Variants in SLC8B1 observed in about 807,000 individuals in gnomAD.
SLC8B1 encodes solute carrier family 8 member B1.
Under a neutral mutation model 63.4 loss-of-function variants are expected in SLC8B1, and 52 were observed. The observed-to-expected ratio is 0.82, with a 90% CI of 0.66 to 1.03. SLC8B1 has a LOEUF of 1.03. Among genes scored for constraint, SLC8B1 ranks in the 50% least tolerant of loss-of-function variants. SLC8B1 has a pLI of 0.00. For synonymous variants in SLC8B1, 336 were observed against 323.9 expected, an observed-to-expected ratio of 1.04 and a Z score of -0.40; for missense variants, 657 against 741.7, an observed-to-expected ratio of 0.89 and a Z score of 1.33.
intron 1 of SLC8B1, among the ~76,000 whole-genome samples, chr12:113,333,263 A>G (rs985862962): frequency 2.0e-5 from 3 of 148,958 alleles, no homozygotes; most frequent in African/African-American, 7.7e-5. Flanking sequence ...GCCAAGATTC[A>G]GAGTCTCAGG....
intron 14 of SLC8B1, 102 bp downstream of exon 14, chr12:113,306,393 A>T: frequency 1.0e-6 from 1 of 969,656 alleles, no homozygotes; most frequent in Non-Finnish European, 1.5e-6. Context: ...TACCTGCCCC[A>T]GGTGTTACAC....
At chr12:113,322,763 A>G (rs1300474853) in intron 2 of SLC8B1, among the ~76,000 whole-genome samples, 1 of 152,098 alleles carries the variant, frequency 6.6e-6, no homozygotes, top group Non-Finnish European at 1.5e-5. Context: ...CCTGGGCAAC[A>G]TGACAAAACT....
rs1329438149 is a variant in SLC8B1 at position 113,317,772 on chromosome 12, T to TTC, written c.803-772_803-771insGA. The stretch of plus-strand genomic sequence containing the variant: ...TTTGTTTATGTGTGTGTGCATGTAT[T>TTC]TGTATGTGTGTTGTGTATGTGAGTG... On this transcript the variant is annotated intron_variant, in intron 8 of 15. Transcript: ENST00000680972. 2.8e-3 allele frequency among the ~76,000 whole-genome samples: 296 copies of TTC among 105,486 alleles called. 1 individual carries two copies. Among genetic ancestry groups the TTC allele is most frequent in the African/African-American group, 0.012 (287 of 24,502 alleles). The allele number at this position is 105,486 out of a possible 152,430, so 69.2% of individuals were successfully genotyped here. A position where few individuals can be genotyped will look rare whatever the true frequency, so the allele number is the denominator to read the frequency against.
chr12:113,314,375 C>T (rs1364054603), intron 11 of SLC8B1, among the ~76,000 whole-genome samples: 1 of 152,232 alleles, frequency 6.6e-6, no homozygotes, highest in South Asian at 2.1e-4. Context: ...CAGAGTCCTA[C>T]CCCCACCTCC....
chr12:113,306,672 C>A, intron 13 of SLC8B1, 97 bp from the exon 14 acceptor site: 2 of 1,016,840 alleles, frequency 2.0e-6, no homozygotes, highest in African/African-American at 1.6e-5. Context: ...ATTCAGGCAA[C>A]AAACACAGAT....
chr12:113,318,941 T>G, intron 8 of SLC8B1, 23 bp downstream of exon 8: 1 of 1,602,268 alleles, frequency 6.2e-7, no homozygotes, highest in Non-Finnish European at 8.6e-7. Context: ...TGGTCCTCTC[T>G]GGGGTCCGAT....
intron 11 of SLC8B1, among the ~76,000 whole-genome samples, chr12:113,314,922 C>T (rs1207597625): frequency 2.0e-5 from 3 of 152,154 alleles, no homozygotes; most frequent in East Asian, 1.9e-4. Flanking sequence ...ATGGCACAAG[C>T]GCATAGTAAG....
chr12:113,322,818 C>T (rs1956948908), intron 2 of SLC8B1, among the ~76,000 whole-genome samples: 1 of 152,044 alleles, frequency 6.6e-6, no homozygotes, highest in Admixed American at 6.6e-5. Context: ...GGCTTGGTGG[C>T]ATACGCCTGT....
Position 113,315,564 on chromosome 12 carries a change from G to A in SLC8B1, c.994-88C>T, listed in dbSNP as rs111742967. The A allele has an allele frequency of 1.8e-3, 2,526 of 1,419,394 alleles. 32 individuals carry two copies. The African/African-American group carries it at 0.029, about 16-fold the overall frequency. The allele number at this position is 1,419,394 out of a possible 1,614,324, so 87.9% of individuals were successfully genotyped here. On this transcript the variant is annotated intron_variant, in intron 10 of 15. Transcript: ENST00000680972. ...ATGGACTTCAGTGACTCAAGAGCTCGGCCGTTCATTGCTGAAGCACTGACT... is the reference window on the plus strand; with the variant it reads ...ATGGACTTCAGTGACTCAAGAGCTCAGCCGTTCATTGCTGAAGCACTGACT...
intron 11 of SLC8B1, among the ~76,000 whole-genome samples, chr12:113,311,112 C>T (rs1221566770): frequency 6.6e-6 from 1 of 152,106 alleles, no homozygotes; most frequent in Admixed American, 6.6e-5. Flanking sequence ...CCCAGGAGTT[C>T]GAAACCAGCC....
At chr12:113,322,537 G>C (rs1017970102) in intron 2 of SLC8B1, among the ~76,000 whole-genome samples, 3 of 152,190 alleles carry the variant, frequency 2.0e-5, no homozygotes, top group Non-Finnish European at 4.4e-5. Context: ...GATTTGAGAA[G>C]AGAAAGTGCT....
At position 113,305,737 on chromosome 12, in the gene SLC8B1, A is replaced by G. The variant is rs1017825991; in HGVS notation, c.1492+758T>C. On this transcript the variant is annotated intron_variant, in intron 14 of 15. Transcript: ENST00000680972. The surrounding 1 kb of genome is among the most constrained non-coding windows in gnomAD (Gnocchi z 4.3). ...AGCAGCAGAGTTGAGTAGCTGCAAA[A>G]CCGCCTGCATGGCCCCCAAAGTCTA... 3.3e-5 allele frequency among the ~76,000 whole-genome samples: 5 copies of G among 152,054 alleles called. No homozygotes were observed. The highest frequency in any genetic ancestry group is 7.4e-5 in the Non-Finnish European group (5 of 68,014).
rs528862402 is a variant in SLC8B1, at chr12:113,321,386, A to T, written c.157-38T>A. 34 of 1,613,798 alleles carry T rather than the reference A, an allele frequency of 2.1e-5. 1 individual carries two copies. In the South Asian group the frequency reaches 3.3e-4, roughly 16 times the overall value. ...AGGGAGGGGGACATCAGCGGCAGAG[A>T]CTTCCCTGAGAACTAGACTAGGCCC... On this transcript the variant is annotated intron_variant, in intron 2 of 15. Coordinates refer to ENST00000680972, the MANE Select transcript of SLC8B1 (RefSeq NM_001358345.2).
In SLC8B1 at chr12:113,320,411, T is replaced by A; in HGVS notation, c.614A>T (p.Asp205Val). 6.2e-7 allele frequency: 1 copy of A among 1,614,192 alleles called. No individual in the cohort carries two copies. The highest frequency in any genetic ancestry group is 8.5e-7 in the Non-Finnish European group (1 of 1,180,028). The change falls in exon 7 of 16, where the codon GAC (aspartate) becomes GTC (valine). Residue 205 changes from aspartate to valine, a missense_variant. By Grantham distance (152) the Asp-to-Val change is radical (BLOSUM62 -3). Coordinates refer to ENST00000680972, the MANE Select transcript of SLC8B1 (RefSeq NM_001358345.2). The surrounding 1 kb of genome is among the most constrained non-coding windows in gnomAD (Gnocchi z 5.3). ...CACAGCCACCATGTAGAAAACGATG[T>A]CCCTGAAGAAGGGCCTGGAGGCAGC... ...FMAASRPFFR[D>V]IVFYMVAVFL...
At chr12:113,310,788 C>T (rs770443758) in intron 11 of SLC8B1, among the ~76,000 whole-genome samples, 2 of 152,190 alleles carry the variant, frequency 1.3e-5, no homozygotes, top group Admixed American at 1.3e-4. Flanking sequence ...AATAAGTCCA[C>T]TCTCCATTAA....
rs1956658484 is a variant in SLC8B1, at chr12:113,305,524, G to A, written c.1492+971C>T. Among the ~76,000 whole-genome samples the A allele has an allele frequency of 6.6e-6, 1 of 152,200 alleles. No homozygotes were observed. Among genetic ancestry groups the A allele is most frequent in the Non-Finnish European group, 1.5e-5 (1 of 68,036 alleles). ...CACTGTCTGGAACCCACAACCATCT[G>A]GTTTCAAAGCTCTTTCTCTTCATAG... On this transcript the variant is annotated intron_variant, in intron 14 of 15. Transcript: ENST00000680972. The surrounding 1 kb of genome is among the most constrained non-coding windows in gnomAD (Gnocchi z 4.3).
chr12:113,299,588 TG>T lies in SLC8B1; in HGVS notation c.*188del. The stretch of plus-strand genomic sequence containing the variant: ...TCCAAGGTCCCCACGGCAAGGCTGT[TG>T]GGTGCTGGCAGCAAGAGGTACACAG... On this transcript the variant is annotated 3_prime_UTR_variant, in exon 16 of 16. Transcript: ENST00000680972. 4.9e-6 allele frequency: 3 copies of T among 610,306 alleles called. No homozygotes were observed. The highest frequency in any genetic ancestry group is 8.7e-6 in the Non-Finnish European group (3 of 343,552). 37.8% of individuals were successfully genotyped at this position (610,306 alleles called of 1,614,324 possible).
chr12:113,316,908 C>T (rs201016489), intron 9 of SLC8B1, 34 bp downstream of exon 9: 25 of 1,607,312 alleles, frequency 1.6e-5, no homozygotes, highest in African/African-American at 1.3e-4. Context: ...TCCCTGTTAC[C>T]GCCACCCTGG....
Position 113,335,104 on chromosome 12 carries a change from G to C in SLC8B1, c.-744C>G, listed in dbSNP as rs904759429. On this transcript the variant is annotated 5_prime_UTR_variant, in exon 1 of 16. Transcript: ENST00000680972. ...CTTGCGCCAGCGAAGCCGCCAGTCC[G>C]GGTGCCCCGCCTGCTGCAGCGTCCG... 1.3e-5 allele frequency: 2 copies of C among 152,422 alleles called. No individual in the cohort carries two copies. The highest frequency in any genetic ancestry group is 2.1e-4 in the South Asian group (1 of 4,830). The allele number at this position is 152,422 out of a possible 1,614,324, so 9.4% of individuals were successfully genotyped here. A position where few individuals can be genotyped will look rare whatever the true frequency, so the allele number is the denominator to read the frequency against.
Sources: allele counts gnomAD v4.1 joint callset (sites outside exome capture counted in the v4.1 genomes callset), GRCh38; gene constraint gnomAD v4.1.1; non-coding constraint Gnocchi (gnomAD v3.1); transcripts MANE v1.5; gene names NCBI Gene and HGNC (gene_info 2026-07-23, HGNC 2026-07-21).